Variants in VSIG1 observed in about 807,000 individuals in gnomAD.
The protein encoded by VSIG1 is V-set and immunoglobulin domain containing 1.
VSIG1 carries 11 observed loss-of-function variants against 20.1 expected under a neutral mutation model. That is an observed-to-expected ratio of 0.55 (90% CI 0.34 to 0.91). The LOEUF is 0.91. Ranked by LOEUF, VSIG1 falls within the 40% of genes least tolerant of loss-of-function variation. The pLI, the probability that VSIG1 is intolerant of heterozygous loss-of-function variation, is 0.02. For missense variants in VSIG1, 283 were observed against 298.8 expected, an observed-to-expected ratio of 0.95 and a Z score of 0.39; for synonymous variants, 126 against 116.7, an observed-to-expected ratio of 1.08 and a Z score of -0.52.
chrX:108,053,589 A>T (rs1263142611), intron 1 of VSIG1, among the ~76,000 whole-genome samples: 1 of 112,112 alleles, frequency 8.9e-6, no homozygotes, highest in African/African-American at 3.2e-5. Context: ...TAAAGGGAAC[A>T]AACAAAAAAC....
At chrX:108,032,270 G>A in the VSIG1 span, among the ~76,000 whole-genome samples, 1 of 112,200 alleles carries the variant, frequency 8.9e-6, no homozygotes, top group Non-Finnish European at 1.9e-5. Context: ...TTTAGAAAAC[G>A]AATAAATGGA....
chrX:108,038,560 G>A, the VSIG1 span, among the ~76,000 whole-genome samples: 2 of 112,412 alleles, frequency 1.8e-5, no homozygotes, highest in Non-Finnish European at 3.8e-5. Flanking sequence ...ACATGTACAC[G>A]TATGTTTATT....
the VSIG1 span, among the ~76,000 whole-genome samples, chrX:108,021,766 TG>T: frequency 1.4e-4 from 16 of 112,344 alleles, no homozygotes; most frequent in African/African-American, 5.2e-4. Flanking sequence ...TTATGCTTTT[TG>T]CATGTGGGTA....
At chrX:108,038,446 T>C in the VSIG1 span, among the ~76,000 whole-genome samples, 83 of 112,110 alleles carry the variant, frequency 7.4e-4, no homozygotes, top group Admixed American at 1.2e-3. Context: ...TGGAAGACAG[T>C]GTGGCAATTC....
chrX:108,076,292 T>C, intron 6 of VSIG1, 74 bp downstream of exon 6: 2 of 1,083,472 alleles, frequency 1.8e-6, no homozygotes, highest in Non-Finnish European at 2.5e-6. Context: ...CATCAATTCC[T>C]AAGCACTCCT....
chrX:108,026,785 G>A, the VSIG1 span, among the ~76,000 whole-genome samples: 1 of 111,609 alleles, frequency 9.0e-6, no homozygotes, highest in Non-Finnish European at 1.9e-5. Flanking sequence ...GTTTCAAGAA[G>A]ATCAGAGAGA....
chrX:108,077,017 C>G (rs750343183), intron 6 of VSIG1, 31 bp from the exon 7 acceptor site: 1 of 1,172,690 alleles, frequency 8.5e-7, no homozygotes, highest in Non-Finnish European at 1.1e-6. Context: ...ATCTCCCTAA[C>G]TTGTTCTTTT....
intron 1 of VSIG1, among the ~76,000 whole-genome samples, chrX:108,055,947 A>G (rs772116416): frequency 3.6e-5 from 4 of 110,923 alleles, no homozygotes; most frequent in African/African-American, 1.3e-4. Flanking sequence ...AATCTGTGCC[A>G]TAAGTCTCTC....
chrX:108,045,147 G>T lies in VSIG1; in HGVS notation c.17G>T (p.Trp6Leu). The change falls in exon 1 of 7, where the codon TGG (tryptophan) becomes TTG (leucine). Residue 6 changes from tryptophan to leucine, a missense_variant. Coordinates refer to ENST00000217957, the MANE Select transcript of VSIG1 (RefSeq NM_182607.5). Reference protein sequence around the residue: MVFAFWKVFLILSCLA... With the variant: MVFAFLKVFLILSCLA... ...CTCCACACAATGGTGTTCGCATTTT[G>T]GAAGGTCTTTCTGATCCTAAGCTGC... 3 of 1,192,289 alleles carry T rather than the reference G, an allele frequency of 2.5e-6. No individual in the cohort carries two copies. The highest frequency in any genetic ancestry group is 3.4e-6 in the Non-Finnish European group (3 of 884,521).
At chrX:108,072,399 CCCA>C (rs754180163) in intron 3 of VSIG1, among the ~76,000 whole-genome samples, 17 of 110,035 alleles carry the variant, frequency 1.5e-4, no homozygotes, top group Non-Finnish European at 2.5e-4. Flanking sequence ...ATTACAGGCG[CCCA>C]CCACCACGCC....
rs1035892694 is a variant in VSIG1, at chrX:108,079,026, C to A, written c.*1645C>A. On this transcript the variant is annotated 3_prime_UTR_variant, in exon 7 of 7. Transcript: ENST00000217957. ...TGAAGAAACTTACAGGTAGACTTAC[C>A]TTTTCACTTGTGGAATTAATCATAT... 50 of 112,256 alleles carry A rather than the reference C, an allele frequency of 4.5e-4. No individual in the cohort carries two copies. Among genetic ancestry groups the A allele is most frequent in the African/African-American group, 1.6e-3 (50 of 30,898 alleles). 9.3% of individuals were successfully genotyped at this position (112,256 alleles called of 1,213,427 possible). A position where few individuals can be genotyped will look rare whatever the true frequency, so the allele number is the denominator to read the frequency against.
At chrX:108,036,778 C>T in the VSIG1 span, among the ~76,000 whole-genome samples, 44 of 112,192 alleles carry the variant, frequency 3.9e-4, no homozygotes, top group African/African-American at 1.2e-3. Flanking sequence ...CTGAAGGCCT[C>T]TGGAGGACTC....
the VSIG1 span, among the ~76,000 whole-genome samples, chrX:108,024,080 A>G: frequency 8.9e-6 from 1 of 111,836 alleles, no homozygotes; most frequent in African/African-American, 3.3e-5. Flanking sequence ...TGGATGCCAA[A>G]CAGACAAATA....
intron 1 of VSIG1, among the ~76,000 whole-genome samples, chrX:108,055,364 T>C (rs1159328658): frequency 8.9e-6 from 1 of 111,898 alleles, no homozygotes; most frequent in Non-Finnish European, 1.9e-5. Context: ...CTTCAGCAAA[T>C]AATTCTAGCA....
intron 3 of VSIG1, among the ~76,000 whole-genome samples, chrX:108,070,521 G>A (rs752976044): frequency 1.1e-4 from 12 of 112,702 alleles, no homozygotes; most frequent in African/African-American, 3.5e-4. Context: ...ATGAGTGCAA[G>A]TCATTCCAGG....
At position 108,047,809 on chromosome X, in the gene VSIG1, C is replaced by T. The variant is rs866498707; in HGVS notation, c.49+2630C>T. 5.6e-4 allele frequency among the ~76,000 whole-genome samples: 34 copies of T among 61,075 alleles called. 1 individual carries two copies. Among genetic ancestry groups the T allele is most frequent in the African/African-American group, 1.7e-3 (23 of 13,145 alleles). 53.0% of individuals were successfully genotyped at this position (61,075 alleles called of 115,157 possible). On this transcript the variant is annotated intron_variant, in intron 1 of 6. Coordinates refer to ENST00000217957, the MANE Select transcript of VSIG1 (RefSeq NM_182607.5). Reference sequence around the variant, plus strand: ...CTCTCTCTATATATATATATATATACATATATATATACATATATATACACA... The same window carrying T: ...CTCTCTCTATATATATATATATATATATATATATATACATATATATACACA...
Position 108,066,994 on chromosome X carries a change from C to G in VSIG1, c.272C>G (p.Thr91Arg). 8.3e-7 allele frequency: 1 copy of G among 1,211,244 alleles called. No homozygotes were observed. Among genetic ancestry groups the G allele is most frequent in the Non-Finnish European group, 1.1e-6 (1 of 895,220 alleles). ...ATCGGGCAATTTAAAGATCGAATTA[C>G]AGGGTCCAACGATCCAGGTAATGCA... ...VAIGQFKDRI[T>R]GSNDPGNASI... The change falls in exon 3 of 7, where the codon ACA becomes AGA. Residue 91 changes from threonine (T) to arginine (R), a missense_variant. Coordinates refer to ENST00000217957, the MANE Select transcript of VSIG1 (RefSeq NM_182607.5).
rs2031286083 is a variant in VSIG1 at position 108,073,235 on chromosome X, C to G, written c.569-15C>G. The G allele has an allele frequency of 8.3e-7, 1 of 1,207,785 alleles. No individual in the cohort carries two copies. Among genetic ancestry groups the G allele is most frequent in the African/African-American group, 1.8e-5 (1 of 57,011 alleles). On this transcript the variant is annotated splice_polypyrimidine_tract_variant and intron_variant, in intron 4 of 6. Coordinates refer to ENST00000217957, the MANE Select transcript of VSIG1 (RefSeq NM_182607.5). Reference sequence around the variant, plus strand: ...ACAGAAGAGATCTCAAAAGTCTATTCCCTGGTTTCAACAGACCCAACCACC... The same window carrying G: ...ACAGAAGAGATCTCAAAAGTCTATTGCCTGGTTTCAACAGACCCAACCACC...
the VSIG1 span, among the ~76,000 whole-genome samples, chrX:108,022,871 C>T: frequency 9.0e-6 from 1 of 111,164 alleles, no homozygotes; most frequent in Non-Finnish European, 1.9e-5. Flanking sequence ...TGAGAGTTGA[C>T]TGTTTTAGAA....
Sources: gnomAD v4.1 joint callset for allele counts (sites outside exome capture counted in the v4.1 genomes callset) on GRCh38, gnomAD v4.1.1 for gene constraint, MANE v1.5 for transcripts, NCBI Gene and HGNC (gene_info 2026-07-23, HGNC 2026-07-21) for gene names.